Variants in CDH18 observed in about 807,000 individuals in gnomAD.
CDH18 encodes the protein cadherin-18.
Under a neutral mutation model 67.9 loss-of-function variants are expected in CDH18, and 31 were observed. That is an observed-to-expected ratio of 0.46 (90% CI 0.34 to 0.62). The LOEUF is 0.62. Ranked by LOEUF, CDH18 falls within the 20% of genes least tolerant of loss-of-function variation. CDH18 has a pLI of 0.01. For synonymous variants in CDH18, 362 were observed against 347.2 expected (o/e 1.04, Z -0.48); for missense variants, 890 against 975.5 (o/e 0.91, Z 1.17).
intron 2 of CDH18, among the ~76,000 whole-genome samples, chr5:20,013,451 T>C (rs987451931): frequency 5.3e-5 from 8 of 152,096 alleles, no homozygotes; most frequent in African/African-American, 2.4e-5. Flanking sequence ...ACTTATGAGG[T>C]TGATGACTAA....
intron 6 of CDH18, among the ~76,000 whole-genome samples, chr5:19,612,008 A>G (rs1332049158): frequency 2.0e-5 from 3 of 150,780 alleles, no homozygotes; most frequent in Non-Finnish European, 4.4e-5. Flanking sequence ...GCATTTGTAT[A>G]CAGCATTTAT....
intron 2 of CDH18, among the ~76,000 whole-genome samples, chr5:20,173,473 T>C (rs1736999551): frequency 6.6e-6 from 1 of 152,100 alleles, no homozygotes; most frequent in Non-Finnish European, 1.5e-5. Context: ...GGTTTGAAGC[T>C]GGAGGGTCGG....
chr5:19,611,946 A>ATG (rs1393076453), intron 6 of CDH18, among the ~76,000 whole-genome samples: 17 of 54,486 alleles, frequency 3.1e-4, no homozygotes, highest in Non-Finnish European at 5.9e-4. Flanking sequence ...CTTTTGGATG[A>ATG]TGCGTGTGTG....
chr5:19,611,552 T>C (rs1748965701), intron 6 of CDH18, among the ~76,000 whole-genome samples: 1 of 152,058 alleles, frequency 6.6e-6, no homozygotes, highest in African/African-American at 2.4e-5. Flanking sequence ...CAAATGCTAT[T>C]AAGAGACAAG....
chr5:19,666,678 A>T (rs1758004552), intron 5 of CDH18, among the ~76,000 whole-genome samples: 1 of 152,116 alleles, frequency 6.6e-6, no homozygotes, highest in Non-Finnish European at 1.5e-5. Context: ...TCACTCAGCT[A>T]ACCTCCCAAA....
rs897011523 is a variant in CDH18 at position 20,426,161 on chromosome 5, C to T, written c.-580+149301G>A. ...TGACCTTGGCCAAGTTACATGACAA[C>T]TTTGTGGCTCAGTTCTCTCATATTG... On this transcript the variant is annotated intron_variant, in intron 1 of 14. Transcript: ENST00000507958. Among the ~76,000 whole-genome samples, 5 of 151,304 alleles carry T rather than the reference C, an allele frequency of 3.3e-5. No homozygotes were observed. In the South Asian group the frequency reaches 1.0e-3, roughly 31 times the overall value.
At chr5:19,907,213 A>G (rs545886695) in intron 2 of CDH18, among the ~76,000 whole-genome samples, 2 of 152,130 alleles carry the variant, frequency 1.3e-5, no homozygotes, top group Middle Eastern at 3.4e-3. Flanking sequence ...AATGCTGTCT[A>G]TCAAACCCGT....
At chr5:20,451,946 C>A (rs943236685) in intron 1 of CDH18, among the ~76,000 whole-genome samples, 3 of 152,106 alleles carry the variant, frequency 2.0e-5, no homozygotes, top group Non-Finnish European at 4.4e-5. Context: ...AAGAGCTACT[C>A]GTCTTCCCAT....
chr5:19,904,278 A>G (rs1431494281), intron 2 of CDH18, among the ~76,000 whole-genome samples: 1 of 150,518 alleles, frequency 6.6e-6, no homozygotes, highest in Non-Finnish European at 1.5e-5. Flanking sequence ...TCAAAAAGAA[A>G]AGAAAAGAAG....
intron 2 of CDH18, among the ~76,000 whole-genome samples, chr5:20,059,839 G>C (rs549885344): frequency 1.4e-3 from 212 of 152,210 alleles, no homozygotes; most frequent in African/African-American, 4.7e-3. Flanking sequence ...CATGGATGTA[G>C]CTGGAAACCA....
chr5:19,570,376 C>A (rs2149930408), intron 8 of CDH18, among the ~76,000 whole-genome samples: 1 of 152,208 alleles, frequency 6.6e-6, no homozygotes, highest in African/African-American at 2.4e-5. Context: ...AGTTTCTATA[C>A]TTGCAGATGG....
At chr5:20,016,117 G>C (rs1737855001) in intron 2 of CDH18, among the ~76,000 whole-genome samples, 1 of 152,038 alleles carries the variant, frequency 6.6e-6, no homozygotes, top group Non-Finnish European at 1.5e-5. Context: ...ATACACCATA[G>C]AATACTATGC....
intron 5 of CDH18, among the ~76,000 whole-genome samples, chr5:19,681,399 TA>T (rs1327761508): frequency 6.6e-6 from 1 of 151,814 alleles, no homozygotes. Flanking sequence ...AAAGTAAAAA[TA>T]AAAATAAAGT....
At chr5:20,002,635 G>A (rs1419839496) in intron 2 of CDH18, among the ~76,000 whole-genome samples, 1 of 152,142 alleles carries the variant, frequency 6.6e-6, no homozygotes, top group East Asian at 1.9e-4. Context: ...ATGTGACTAA[G>A]TTATAAGTGA....
chr5:20,322,647 C>T (rs1281280141), intron 1 of CDH18, among the ~76,000 whole-genome samples: 2 of 152,076 alleles, frequency 1.3e-5, no homozygotes, highest in Admixed American at 6.5e-5. Flanking sequence ...AGACTAGTCT[C>T]TCTTGTAAAA....
At chr5:20,306,947 T>C (rs1299112406) in intron 1 of CDH18, among the ~76,000 whole-genome samples, 1 of 119,088 alleles carries the variant, frequency 8.4e-6, no homozygotes, top group East Asian at 2.0e-4. Context: ...GCCATAGTTA[T>C]AGGAAAAAAT....
At chr5:20,080,585 T>C (rs1744369573) in intron 2 of CDH18, among the ~76,000 whole-genome samples, 1 of 152,144 alleles carries the variant, frequency 6.6e-6, no homozygotes, top group African/African-American at 2.4e-5. Context: ...AAGAGCAGAA[T>C]TGCCTGAAAT....
intron 2 of CDH18, among the ~76,000 whole-genome samples, chr5:20,160,817 G>A (rs1319466567): frequency 6.6e-6 from 1 of 152,134 alleles, no homozygotes; most frequent in East Asian, 1.9e-4. Context: ...CGATAACAGA[G>A]GTCAAAAACT....
At chr5:19,808,832 C>CAAAAAAAAAA (rs1173922790) in intron 3 of CDH18, among the ~76,000 whole-genome samples, 1 of 53,934 alleles carries the variant, frequency 1.9e-5, no homozygotes, top group African/African-American at 7.6e-5. Context: ...AACTCTGTCT[C>CAAAAAAAAAA]AAAAAAAAAA....
Sources: gnomAD v4.1 joint callset for allele counts (sites outside exome capture counted in the v4.1 genomes callset) on GRCh38, gnomAD v4.1.1 for gene constraint, MANE v1.5 for transcripts, NCBI Gene and HGNC (gene_info 2026-07-23, HGNC 2026-07-21) for gene names.